Variants in MDGA1 observed in about 807,000 individuals in gnomAD.
MDGA1 encodes MAM domain-containing glycosylphosphatidylinositol anchor protein 1.
In MDGA1, 54 loss-of-function variants were observed where a neutral mutation model predicts 101.5. The ratio of observed to expected loss-of-function variants is 0.53; its 90% CI spans 0.43 to 0.67. MDGA1 has a LOEUF of 0.67. MDGA1 is among the 30% of genes least tolerant of loss of function. The probability of loss-of-function intolerance (pLI) is 0.00; values close to 1 mark genes in which losing one functional copy is unlikely to be tolerated. For synonymous variants in MDGA1, 533 were observed against 558.3 expected, an observed-to-expected ratio of 0.95 and a Z score of 0.64; for missense variants, 1,083 against 1,323.8, an observed-to-expected ratio of 0.82 and a Z score of 2.82.
chr6:37,660,946 TGTTG>T (rs1470886926), intron 2 of MDGA1, among the ~76,000 whole-genome samples: 1 of 152,210 alleles, frequency 6.6e-6, no homozygotes, highest in African/African-American at 2.4e-5. Context: ...AACATTTTTA[TGTTG>T]GTTTCTCAGG....
intron 1 of MDGA1, among the ~76,000 whole-genome samples, chr6:37,694,510 G>A (rs892213768): frequency 6.6e-5 from 10 of 152,144 alleles, no homozygotes; most frequent in Non-Finnish European, 1.2e-4. Context: ...CTTCTGCTTC[G>A]CGGGTACAGA....
intron 12 of MDGA1, 144 bp downstream of exon 12, chr6:37,645,789 C>A: frequency 1.0e-6 from 1 of 966,138 alleles, no homozygotes. Flanking sequence ...CTCCTTCTAG[C>A]CTCTGGCCCT....
At chr6:37,639,319 A>G (rs2113995078) in intron 14 of MDGA1, 1 of 152,768 alleles carries the variant, frequency 6.5e-6, no homozygotes, top group African/African-American at 2.4e-5. Context: ...CATCTAAGGA[A>G]GACCCTGGAT....
intron 9 of MDGA1, 148 bp from the exon 10 acceptor site, chr6:37,647,472 G>T: frequency 3.6e-6 from 2 of 552,334 alleles, no homozygotes; most frequent in Non-Finnish European, 6.3e-6. Context: ...GTGAGGTGGG[G>T]AACGTTGGGA....
chr6:37,645,212 A>C (rs1227780541), intron 12 of MDGA1, among the ~76,000 whole-genome samples: 1 of 152,232 alleles, frequency 6.6e-6, no homozygotes, highest in Admixed American at 6.5e-5. Context: ...AGGGGATGTT[A>C]AATTTCTGCT....
chr6:37,696,796 G>A lies in MDGA1; in HGVS notation c.16C>T (p.Leu6Phe). The A allele has an allele frequency of 3.2e-6, 5 of 1,579,918 alleles. No homozygotes were observed. Among genetic ancestry groups the A allele is most frequent in the South Asian group, 2.3e-5 (2 of 86,148 alleles). Residue 6 changes from leucine to phenylalanine, a missense_variant, in exon 1 of 17, where the codon CTT becomes TTT. Transcript: ENST00000434837. This position sits in a 1 kb window ranked among gnomAD's most constrained non-coding sequence, Gnocchi z 5.6. MEVTC[L>F]LLLALIPFHC... ...AAGGGGATCAGCGCCAGAAGTAGAA[G>A]GCAGGTCACCTCCATCTTCACGGCC...
chr6:37,654,939 A>G lies in MDGA1; in HGVS notation c.580-7T>C. The G allele has an allele frequency of 6.2e-7, 1 of 1,612,830 alleles. No individual in the cohort carries two copies. The highest frequency in any genetic ancestry group is 1.3e-5 in the African/African-American group (1 of 74,978). On this transcript the variant is annotated splice_polypyrimidine_tract_variant and splice_region_variant and intron_variant, in intron 4 of 16. Transcript: ENST00000434837. Reference sequence around the variant, plus strand: ...TCAGGACCTTGGTCTCCCCCTGGGCAGCAGTGGACCACTGGGGTGAGGTGC... The same window carrying G: ...TCAGGACCTTGGTCTCCCCCTGGGCGGCAGTGGACCACTGGGGTGAGGTGC...
rs1207694833 is a variant in MDGA1 at position 37,638,097 on chromosome 6, A to T, written c.2776+108T>A. 1 of 834,930 alleles carries T rather than the reference A, an allele frequency of 1.2e-6. No homozygotes were observed. Among genetic ancestry groups the T allele is most frequent in the African/African-American group, 1.7e-5 (1 of 59,562 alleles). 51.7% of individuals were successfully genotyped at this position (834,930 alleles called of 1,614,324 possible). A position where few individuals can be genotyped will look rare whatever the true frequency, so the allele number is the denominator to read the frequency against. ...GCCACATGATTCCCATCACTCAGAC[A>T]TTCTGAACCCCTATTCAGACCCAAA... On this transcript the variant is annotated intron_variant, in intron 16 of 16. Transcript: ENST00000434837. The surrounding 1 kb of genome is among the most constrained non-coding windows in gnomAD (Gnocchi z 4.8).
At chr6:37,672,832 G>A (rs9462350) in intron 1 of MDGA1, among the ~76,000 whole-genome samples, 6,148 of 152,192 alleles carry the variant, frequency 0.04, 417 homozygotes, top group African/African-American at 0.14. Flanking sequence ...TAGGGAAGCA[G>A]TAGCTAGAAA....
intron 9 of MDGA1, among the ~76,000 whole-genome samples, chr6:37,647,978 GCT>G (rs1458902182): frequency 6.6e-6 from 1 of 152,170 alleles, no homozygotes; most frequent in Non-Finnish European, 1.5e-5. Context: ...ACATCCCCAG[GCT>G]CTGCTCCAGG....
chr6:37,679,581 G>A lies in MDGA1; in HGVS notation c.68-15475C>T, dbSNP rs535122728. Among the ~76,000 whole-genome samples, 212 of 152,266 alleles carry A rather than the reference G, an allele frequency of 1.4e-3. 1 individual carries two copies. Among genetic ancestry groups the A allele is most frequent in the African/African-American group, 4.8e-3 (201 of 41,530 alleles). ...CCTCTCTCTCCCGATATTGTGACACGTGCCTGTACACAGAGCCTCCCATGC... is the reference window on the plus strand; with the variant it reads ...CCTCTCTCTCCCGATATTGTGACACATGCCTGTACACAGAGCCTCCCATGC... On this transcript the variant is annotated intron_variant, in intron 1 of 16. Transcript: ENST00000434837.
rs569542131 is a variant in MDGA1, at chr6:37,656,575, A to G, written c.383-679T>C. 2.0e-3 allele frequency among the ~76,000 whole-genome samples: 304 copies of G among 151,652 alleles called. 2 individuals carry two copies. Among genetic ancestry groups the G allele is most frequent in the African/African-American group, 6.8e-3 (282 of 41,322 alleles). ...TTTTGTACAGACAGGGTTTCACCAT[A>G]TTGCCCAGACTGTTCTTGAGCTCCT... is the stretch of plus-strand genomic sequence containing the variant. On this transcript the variant is annotated intron_variant, in intron 3 of 16. Transcript: ENST00000434837.
rs564394264 is a variant in MDGA1 at position 37,663,509 on chromosome 6, G to A, written c.207+458C>T. Among the ~76,000 whole-genome samples, 11 of 152,300 alleles carry A rather than the reference G, an allele frequency of 7.2e-5. No individual in the cohort carries two copies. The South Asian group carries it at 2.3e-3, about 32-fold the overall frequency. On this transcript the variant is annotated intron_variant, in intron 2 of 16. Coordinates refer to ENST00000434837, the MANE Select transcript of MDGA1 (RefSeq NM_153487.4). Reference sequence around the variant, plus strand: ...TTCCATCCTCACAAGAGCTGCGTGCGCTTGGGAGTTTACCCAACCTCACTG... The same window carrying A: ...TTCCATCCTCACAAGAGCTGCGTGCACTTGGGAGTTTACCCAACCTCACTG...
intron 2 of MDGA1, among the ~76,000 whole-genome samples, chr6:37,659,723 C>T (rs971008396): frequency 6.6e-6 from 1 of 152,128 alleles, no homozygotes; most frequent in Non-Finnish European, 1.5e-5. Context: ...AGGGAGGGAC[C>T]ACCCAGGACC....
At chr6:37,668,856 T>C (rs557509908) in intron 1 of MDGA1, among the ~76,000 whole-genome samples, 1 of 152,252 alleles carries the variant, frequency 6.6e-6, no homozygotes, top group African/African-American at 2.4e-5. Flanking sequence ...TCTCTCTCTC[T>C]TTCTTTTTTG....
In MDGA1 at chr6:37,630,805, T is replaced by C. The variant is rs540407431; in HGVS notation, c.*6563A>G. The C allele has an allele frequency of 5.2e-5, 8 of 152,422 alleles. No homozygotes were observed. Among genetic ancestry groups the C allele is most frequent in the African/African-American group, 1.7e-4 (7 of 41,576 alleles). 9.4% of individuals were successfully genotyped at this position (152,422 alleles called of 1,614,324 possible). On this transcript the variant is annotated 3_prime_UTR_variant, in exon 17 of 17. Coordinates refer to ENST00000434837, the MANE Select transcript of MDGA1 (RefSeq NM_153487.4). The stretch of plus-strand genomic sequence containing the variant: ...GAGGCAGCTGCACTCCCATATCTTC[T>C]GGTGCTTTGGTGGAGATGGCTGGAA...
rs1246225867 is a variant in MDGA1, at chr6:37,697,481, A to T, written c.-670T>A. ...CCGTGAAGTTAGCCGAGCCGCCGAT[A>T]AACCCGGGGGAAGAATAGCAGCCCG... On this transcript the variant is annotated 5_prime_UTR_variant, in exon 1 of 17. Coordinates refer to ENST00000434837, the MANE Select transcript of MDGA1 (RefSeq NM_153487.4). 1 of 152,118 alleles carries T rather than the reference A, an allele frequency of 6.6e-6. No homozygotes were observed. The highest frequency in any genetic ancestry group is 2.4e-5 in the African/African-American group (1 of 41,438). 9.4% of individuals were successfully genotyped at this position (152,118 alleles called of 1,614,324 possible).
Position 37,635,718 on chromosome 6 carries a change from C to T in MDGA1, c.*1650G>A. ...AGAAGGAGCCCTGTGATGCTCCTCA[C>T]CAAAGGTGCTTGCATTCAATAGGGT... On this transcript the variant is annotated 3_prime_UTR_variant, in exon 17 of 17. Transcript: ENST00000434837. 7.5e-6 allele frequency: 3 copies of T among 398,704 alleles called. No homozygotes were observed. The highest frequency in any genetic ancestry group is 1.3e-5 in the Non-Finnish European group (3 of 226,094). 24.7% of individuals were successfully genotyped at this position (398,704 alleles called of 1,614,324 possible). A position where few individuals can be genotyped will look rare whatever the true frequency, so the allele number is the denominator to read the frequency against.
At chr6:37,637,920 T>A (rs1763966755) in intron 16 of MDGA1, 1 of 547,378 alleles carries the variant, frequency 1.8e-6, no homozygotes, top group South Asian at 2.9e-5. Context: ...GAGCCAGAGG[T>A]ACGCACAGAT....
Sources: allele counts gnomAD v4.1 joint callset (sites outside exome capture counted in the v4.1 genomes callset), GRCh38; gene constraint gnomAD v4.1.1; non-coding constraint Gnocchi (gnomAD v3.1); transcripts MANE v1.5; gene names NCBI Gene and HGNC (gene_info 2026-07-23, HGNC 2026-07-21).